AP2B1: variants seen among roughly 807,000 people sequenced by gnomAD.
The protein encoded by AP2B1 is AP-2 complex subunit beta.
AP2B1 carries 23 observed loss-of-function variants against 102.0 expected under a neutral mutation model. That is an observed-to-expected ratio of 0.23 (90% CI 0.16 to 0.32). The LOEUF (loss-of-function observed/expected upper bound fraction) is 0.32, where lower values mean the gene tolerates loss of function less well. Ranked by LOEUF, AP2B1 falls within the 10% of genes least tolerant of loss-of-function variation. The probability of loss-of-function intolerance (pLI) is 1.00; values close to 1 mark genes in which losing one functional copy is unlikely to be tolerated. For missense variants in AP2B1, 541 were observed against 1,157.4 expected (o/e 0.47, Z 7.73); for synonymous variants, 381 against 421.2 (o/e 0.90, Z 1.17).
At chr17:35,657,332 G>A (rs779516077) in intron 13 of AP2B1, among the ~76,000 whole-genome samples, 10 of 152,008 alleles carry the variant, frequency 6.6e-5, no homozygotes, top group African/African-American at 1.7e-4. Context: ...CCTCATAGAC[G>A]TTTAATTAAA....
chr17:35,691,000 C>G (rs1050320940), intron 18 of AP2B1, among the ~76,000 whole-genome samples: 7 of 152,076 alleles, frequency 4.6e-5, no homozygotes, highest in Non-Finnish European at 8.8e-5. Flanking sequence ...TTTGTTGTCC[C>G]TGTCTTTATT....
intron 9 of AP2B1, among the ~76,000 whole-genome samples, chr17:35,632,382 G>T (rs1598109512): frequency 6.6e-6 from 1 of 152,204 alleles, no homozygotes; most frequent in South Asian, 2.1e-4. Flanking sequence ...TGATCCACCC[G>T]CCTTGGCCTC....
At chr17:35,639,808 G>A in intron 11 of AP2B1, 48 bp downstream of exon 11, 1 of 1,553,598 alleles carries the variant, frequency 6.4e-7, no homozygotes, top group South Asian at 1.2e-5. Flanking sequence ...ATGTCTTTGG[G>A]GAGATTTCAG....
intron 13 of AP2B1, among the ~76,000 whole-genome samples, chr17:35,651,544 G>A (rs2075086388): frequency 6.6e-6 from 1 of 152,168 alleles, no homozygotes; most frequent in South Asian, 2.1e-4. Context: ...TCCTTCCAGA[G>A]TAGTTAGAAT....
chr17:35,718,779 T>C (rs587705669), intron 21 of AP2B1, among the ~76,000 whole-genome samples: 1 of 151,880 alleles, frequency 6.6e-6, no homozygotes, highest in South Asian at 2.1e-4. Context: ...TTTTTTTTTT[T>C]CCTTTTTTTC....
intron 21 of AP2B1, among the ~76,000 whole-genome samples, chr17:35,723,054 G>A (rs113298448): frequency 1.3e-5 from 2 of 152,322 alleles, no homozygotes; most frequent in African/African-American, 4.8e-5. Context: ...TTGAGGTTGG[G>A]TTATACTAAG....
intron 5 of AP2B1, among the ~76,000 whole-genome samples, chr17:35,618,841 T>C (rs771989825): frequency 4.6e-5 from 7 of 152,180 alleles, no homozygotes; most frequent in African/African-American, 7.2e-5. Flanking sequence ...AGATCATAAA[T>C]CATATTTTAT....
At chr17:35,610,154 T>A (rs1299851233) in intron 5 of AP2B1, among the ~76,000 whole-genome samples, 1 of 146,252 alleles carries the variant, frequency 6.8e-6, no homozygotes, top group Non-Finnish European at 1.5e-5. Context: ...TTATTTTTTA[T>A]TTTTTTTTGA....
chr17:35,613,972 A>G (rs1414179901), intron 5 of AP2B1, among the ~76,000 whole-genome samples: 2 of 152,142 alleles, frequency 1.3e-5, no homozygotes, highest in African/African-American at 2.4e-5. Context: ...TTGCAAGAAA[A>G]TGTGTATCTT....
chr17:35,714,911 C>T (rs2076523044), intron 20 of AP2B1, among the ~76,000 whole-genome samples: 1 of 152,112 alleles, frequency 6.6e-6, no homozygotes, highest in Admixed American at 6.5e-5. Context: ...AGATTCCGTC[C>T]TGTTTCCCAG....
intron 14 of AP2B1, among the ~76,000 whole-genome samples, chr17:35,659,047 C>T (rs971679801): frequency 6.6e-6 from 1 of 152,164 alleles, no homozygotes; most frequent in African/African-American, 2.4e-5. Flanking sequence ...ATATTCATAT[C>T]TTTAATGATT....
chr17:35,680,686 G>GT (rs1167550201), intron 17 of AP2B1, among the ~76,000 whole-genome samples: 745 of 59,752 alleles, frequency 0.012, 20 homozygotes, highest in African/African-American at 0.041. Flanking sequence ...TATGGTTTTG[G>GT]TTTTTTTTTT....
At chr17:35,639,159 A>T (rs992270834) in intron 10 of AP2B1, among the ~76,000 whole-genome samples, 27 of 152,058 alleles carry the variant, frequency 1.8e-4, no homozygotes, top group African/African-American at 6.0e-4. Flanking sequence ...CAAGACCCCC[A>T]TCTCTACAAA....
At position 35,624,677 on chromosome 17, in the gene AP2B1, G is replaced by T. The variant is rs570816164; in HGVS notation, c.716+90G>T. On this transcript the variant is annotated intron_variant, in intron 6 of 21. Coordinates refer to ENST00000610402, the MANE Select transcript of AP2B1 (RefSeq NM_001030006.2). Reference sequence around the variant, plus strand: ...TATTAGAATAAATCTGTTGAGGAAGGTCAGTGGCTTCTGGGGTAGATATTG... The same window carrying T: ...TATTAGAATAAATCTGTTGAGGAAGTTCAGTGGCTTCTGGGGTAGATATTG... 663 of 1,255,664 alleles carry T rather than the reference G, an allele frequency of 5.3e-4. 2 individuals carry two copies. The highest frequency in any genetic ancestry group is 7.0e-4 in the Non-Finnish European group (634 of 909,688). The allele number at this position is 1,255,664 out of a possible 1,614,324, so 77.8% of individuals were successfully genotyped here.
intron 17 of AP2B1, among the ~76,000 whole-genome samples, chr17:35,675,078 C>T (rs1022875577): frequency 4.6e-5 from 7 of 152,180 alleles, no homozygotes; most frequent in Non-Finnish European, 7.3e-5. Context: ...AGTATATATG[C>T]TGAACAAATA....
chr17:35,660,062 T>C (rs1460630276), intron 14 of AP2B1: 1 of 985,270 alleles, frequency 1.0e-6, no homozygotes, highest in Admixed American at 6.1e-5. Context: ...ATTTTTTGAA[T>C]GCATCCTTGC....
At chr17:35,635,336 C>T (rs1038653890) in intron 9 of AP2B1, among the ~76,000 whole-genome samples, 1 of 151,942 alleles carries the variant, frequency 6.6e-6, no homozygotes, top group African/African-American at 2.4e-5. Flanking sequence ...ATTACAGGCA[C>T]AAGCCACTGC....
intron 13 of AP2B1, among the ~76,000 whole-genome samples, chr17:35,657,299 A>T (rs1192976117): frequency 6.6e-6 from 1 of 152,222 alleles, no homozygotes; most frequent in Non-Finnish European, 1.5e-5. Flanking sequence ...ACAGAGAACC[A>T]TAGAATTCTC....
chr17:35,610,184 G>A (rs202163359), intron 5 of AP2B1, among the ~76,000 whole-genome samples: 1 of 150,398 alleles, frequency 6.6e-6, no homozygotes, highest in Admixed American at 6.6e-5. Flanking sequence ...TCACTCTGTC[G>A]CCCAGTCTGG....
Sources: gnomAD v4.1 joint callset for allele counts (sites outside exome capture counted in the v4.1 genomes callset) on GRCh38, gnomAD v4.1.1 for gene constraint, MANE v1.5 for transcripts, NCBI Gene and HGNC (gene_info 2026-07-23, HGNC 2026-07-21) for gene names.